The following GRIK2 variants were observed in gnomAD, a reference collection of about 807,000 sequenced individuals.
GRIK2 encodes glutamate receptor ionotropic, kainate 2.
GRIK2 carries 32 observed loss-of-function variants against 100.3 expected under a neutral mutation model. That is an observed-to-expected ratio of 0.32 (90% CI 0.24 to 0.43). The LOEUF is 0.43. Among genes scored for constraint, GRIK2 ranks in the 20% least tolerant of loss-of-function variants. The probability of loss-of-function intolerance (pLI) is 1.00; values close to 1 mark genes in which losing one functional copy is unlikely to be tolerated. For synonymous variants in GRIK2, 417 were observed against 389.4 expected (o/e 1.07, Z -0.83); for missense variants, 843 against 1,114.9 (o/e 0.76, Z 3.47).
At chr6:101,469,618 C>T (rs983018436) in intron 2 of GRIK2, among the ~76,000 whole-genome samples, 1 of 152,074 alleles carries the variant, frequency 6.6e-6, no homozygotes, top group Non-Finnish European at 1.5e-5. Context: ...TCTAACTGGC[C>T]TCATTCTTCT....
At chr6:102,042,516 C>A (rs1405218099) in intron 15 of GRIK2, among the ~76,000 whole-genome samples, 2 of 151,476 alleles carry the variant, frequency 1.3e-5, no homozygotes, top group East Asian at 3.9e-4. Context: ...GCAGACAGAC[C>A]AAATTGCAAA....
At chr6:101,772,537 A>G (rs1233416434) in intron 7 of GRIK2, among the ~76,000 whole-genome samples, 2 of 152,032 alleles carry the variant, frequency 1.3e-5, no homozygotes, top group Non-Finnish European at 2.9e-5. Flanking sequence ...ATAAACTTAA[A>G]TAAATCCTTT....
At chr6:102,065,855 C>A in intron 16 of GRIK2, 1 of 1,488,868 alleles carries the variant, frequency 6.7e-7, no homozygotes, top group Admixed American at 2.3e-5. Flanking sequence ...GAGTCAGTTT[C>A]CATTTCTACA....
rs369848847 is a variant in GRIK2, at chr6:101,676,984, C to T, written c.723+180C>T. On this transcript the variant is annotated intron_variant, in intron 5 of 16. Transcript: ENST00000369134. ...TGTCTTAAAAGAAAAGTAATGTAAA[C>T]ATTGATGATCTTCAAAACGGGTTGT... Among the ~76,000 whole-genome samples the T allele has an allele frequency of 1.1e-4, 16 of 152,140 alleles. No homozygotes were observed. The East Asian group carries it at 1.9e-3, about 18-fold the overall frequency.
At chr6:101,513,914 G>T (rs1774446838) in intron 2 of GRIK2, among the ~76,000 whole-genome samples, 1 of 151,968 alleles carries the variant, frequency 6.6e-6, no homozygotes, top group Non-Finnish European at 1.5e-5. Context: ...GAAAGTGAAA[G>T]TTAGTACAAT....
chr6:101,465,212 C>T (rs368747969), intron 2 of GRIK2, among the ~76,000 whole-genome samples: 32 of 152,134 alleles, frequency 2.1e-4, no homozygotes, highest in African/African-American at 7.7e-4. Context: ...TTAGTCTAAC[C>T]ATCACCCAAA....
At chr6:101,432,183 A>G (rs1233742350) in intron 2 of GRIK2, among the ~76,000 whole-genome samples, 3 of 152,074 alleles carry the variant, frequency 2.0e-5, no homozygotes, top group Non-Finnish European at 4.4e-5. Flanking sequence ...CTGCCTGCCT[A>G]TAATTTAATC....
chr6:101,958,559 T>A (rs952798840), intron 14 of GRIK2, among the ~76,000 whole-genome samples: 1 of 152,046 alleles, frequency 6.6e-6, no homozygotes, highest in African/African-American at 2.4e-5. Context: ...ATTCCAGGAC[T>A]ATGTTGAATA....
At chr6:102,015,828 A>C (rs1239087893) in intron 14 of GRIK2, among the ~76,000 whole-genome samples, 1 of 152,184 alleles carries the variant, frequency 6.6e-6, no homozygotes, top group Admixed American at 6.5e-5. Flanking sequence ...CAGAAATCAA[A>C]GCTATAACCT....
intron 2 of GRIK2, among the ~76,000 whole-genome samples, chr6:101,452,623 A>G (rs1770776253): frequency 1.3e-5 from 2 of 151,830 alleles, no homozygotes; most frequent in Non-Finnish European, 2.9e-5. Flanking sequence ...TGTTTGCTCA[A>G]TGCTTAAGTC....
At chr6:101,706,264 T>C (rs1050759468) in intron 7 of GRIK2, among the ~76,000 whole-genome samples, 2 of 151,944 alleles carry the variant, frequency 1.3e-5, no homozygotes, top group African/African-American at 2.4e-5. Context: ...TTGAATATGC[T>C]AGAGAATATT....
In GRIK2 at chr6:101,707,598, ATATGTGTG is replaced by A. The variant is rs1289985397; in HGVS notation, c.951+21249_951+21256del. On this transcript the variant is annotated intron_variant, in intron 7 of 16. Coordinates refer to ENST00000369134, the MANE Select transcript of GRIK2 (RefSeq NM_021956.5). ...TGTATGTGTGTGTGTGTGTGTGTAT[ATATGTGTG>A]TATATATATATATATATATATGAAT... is the stretch of plus-strand genomic sequence containing the variant. 3.2e-4 allele frequency among the ~76,000 whole-genome samples: 43 copies of A among 135,910 alleles called. 3 individuals carry two copies. Among genetic ancestry groups the A allele is most frequent in the South Asian group, 1.9e-3 (8 of 4,246 alleles). The allele number at this position is 135,910 out of a possible 152,430, so 89.2% of individuals were successfully genotyped here.
At chr6:101,793,646 C>T (rs184131066) in intron 7 of GRIK2, among the ~76,000 whole-genome samples, 10,887 of 152,116 alleles carry the variant, frequency 0.072, 439 homozygotes, top group African/African-American at 0.11. Context: ...TTAGGCTGCT[C>T]GGGGGTCAGG....
At chr6:101,574,792 A>G (rs1267702884) in intron 2 of GRIK2, among the ~76,000 whole-genome samples, 1 of 151,912 alleles carries the variant, frequency 6.6e-6, no homozygotes, top group Non-Finnish European at 1.5e-5. Context: ...GTGTAAAATA[A>G]CAGATATTAT....
At chr6:101,529,081 G>A (rs1255286480) in intron 2 of GRIK2, among the ~76,000 whole-genome samples, 1 of 152,012 alleles carries the variant, frequency 6.6e-6, no homozygotes, top group Non-Finnish European at 1.5e-5. Context: ...CAAAAAGTAG[G>A]AGTGCCTAGG....
At chr6:101,449,543 ACTTGTGTACTTTCATGCTT>A (rs1233672553) in intron 2 of GRIK2, among the ~76,000 whole-genome samples, 2 of 151,636 alleles carry the variant, frequency 1.3e-5, no homozygotes, top group African/African-American at 4.8e-5. Context: ...AAACAAGTAA[ACTTGTGTACTTTCATGCTT>A]AGGTTTGATG....
chr6:101,981,508 G>A (rs1165769343), intron 14 of GRIK2, among the ~76,000 whole-genome samples: 1 of 151,858 alleles, frequency 6.6e-6, no homozygotes, highest in Non-Finnish European at 1.5e-5. Context: ...AAGTTAAAGA[G>A]ATAAATTATC....
chr6:101,599,771 T>G (rs1483651012), intron 2 of GRIK2, among the ~76,000 whole-genome samples: 1 of 151,790 alleles, frequency 6.6e-6, no homozygotes, highest in Non-Finnish European at 1.5e-5. Flanking sequence ...CTTGTTCAAT[T>G]GTTTAGGCTT....
intron 9 of GRIK2, among the ~76,000 whole-genome samples, chr6:101,810,026 A>G (rs1036947552): frequency 2.6e-5 from 4 of 151,922 alleles, no homozygotes; most frequent in African/African-American, 7.2e-5. Flanking sequence ...TGGCCCACCA[A>G]TGAATATTAA....
Sources: gnomAD v4.1 joint callset for allele counts (sites outside exome capture counted in the v4.1 genomes callset) on GRCh38, gnomAD v4.1.1 for gene constraint, MANE v1.5 for transcripts, NCBI Gene and HGNC (gene_info 2026-07-23, HGNC 2026-07-21) for gene names.